ORC2: variants seen among roughly 807,000 people sequenced by gnomAD.
The protein encoded by ORC2 is origin recognition complex subunit 2.
A neutral mutation model predicts 77.7 loss-of-function variants in ORC2; 37 were observed. The ratio of observed to expected loss-of-function variants is 0.48; its 90% CI spans 0.37 to 0.63. The LOEUF is 0.63. Among genes scored for constraint, ORC2 ranks in the 20% least tolerant of loss-of-function variants. The pLI, the probability that ORC2 is intolerant of heterozygous loss-of-function variation, is 0.00. For synonymous variants in ORC2, 201 were observed against 229.5 expected (o/e 0.88, Z 1.12); for missense variants, 557 against 661.9 (o/e 0.84, Z 1.74).
intron 5 of ORC2, among the ~76,000 whole-genome samples, chr2:200,946,123 G>A (rs1418874593): frequency 6.6e-6 from 1 of 150,750 alleles, no homozygotes; most frequent in Non-Finnish European, 1.5e-5. Flanking sequence ...CCTATATCTT[G>A]GTTAGCCCAA....
At chr2:200,939,839 A>C (rs16836061) in intron 7 of ORC2, among the ~76,000 whole-genome samples, 1,715 of 152,332 alleles carry the variant, frequency 0.011, 16 homozygotes, top group Non-Finnish European at 0.017. Flanking sequence ...TAACTTGAGA[A>C]AGAATAATCT....
chr2:200,913,223 A>G (rs2040580825), intron 17 of ORC2, 72 bp downstream of exon 17: 1 of 1,154,654 alleles, frequency 8.7e-7, no homozygotes. Context: ...GTCTAAGTCA[A>G]ACATATATGT....
intron 9 of ORC2, 40 bp from the exon 10 acceptor site, chr2:200,934,014 A>G (rs367995638): frequency 2.0e-6 from 2 of 988,750 alleles, no homozygotes; most frequent in East Asian, 2.4e-5. Context: ...GTAGCTTCAA[A>G]TATCTGTCTC....
chr2:200,915,955 A>G (rs2040641786), intron 15 of ORC2, among the ~76,000 whole-genome samples: 1 of 152,108 alleles, frequency 6.6e-6, no homozygotes, highest in Admixed American at 6.6e-5. Flanking sequence ...TCAGCCTCCC[A>G]AAGTGCTAGG....
chr2:200,960,451 T>TG lies in ORC2; in HGVS notation c.-59-1012dup, dbSNP rs752833638. ...TGGGCCATTTTTCTAGTCATAATAC[T>TG]GTTTCCTATTATGGGGAAACTGGGT... is the stretch of plus-strand genomic sequence containing the variant. On this transcript the variant is annotated intron_variant, in intron 1 of 17. Transcript: ENST00000234296. 7.3e-4 allele frequency among the ~76,000 whole-genome samples: 111 copies of TG among 152,362 alleles called. 1 individual carries two copies. The East Asian group carries it at 0.014, about 19-fold the overall frequency.
At chr2:200,927,336 G>A (rs916886834) in intron 11 of ORC2, among the ~76,000 whole-genome samples, 3 of 151,650 alleles carry the variant, frequency 2.0e-5, no homozygotes, top group Non-Finnish European at 2.9e-5. Flanking sequence ...CACCCACCTT[G>A]GCCCCCAAAA....
chr2:200,916,291 T>G (rs2040648948), intron 15 of ORC2, among the ~76,000 whole-genome samples: 1 of 152,134 alleles, frequency 6.6e-6, no homozygotes, highest in South Asian at 2.1e-4. Context: ...AAGACCAGCC[T>G]GCCCAACATG....
intron 7 of ORC2, among the ~76,000 whole-genome samples, chr2:200,939,673 T>C (rs1235681599): frequency 3.3e-5 from 5 of 152,206 alleles, no homozygotes; most frequent in African/African-American, 1.2e-4. Context: ...CCAAGCCCGA[T>C]ACATATTTTC....
rs767050991 is a variant in ORC2 at position 200,925,852 on chromosome 2, T to C, written c.1131A>G (p.Val377=). The change falls in exon 13 of 18, where the codon GTA becomes GTG. Residue 377 remains valine, a synonymous_variant. Transcript: ENST00000234296. ...RSILDQLDWI[V]NKFKEDSSLE... ...TCATGTTACCTTCTTTAAATTTGTT[T>C]ACTATCCAGTCTAGCTGATCCAGTA... 13 of 1,569,880 alleles carry C rather than the reference T, an allele frequency of 8.3e-6. No homozygotes were observed. In the Admixed American group the frequency reaches 2.2e-4, roughly 27 times the overall value.
intron 4 of ORC2, among the ~76,000 whole-genome samples, chr2:200,953,416 T>G (rs575822941): frequency 2.9e-5 from 4 of 138,798 alleles, no homozygotes; most frequent in East Asian, 3.9e-4. Flanking sequence ...CTACTGTTTT[T>G]TTTTTTTTTT....
intron 5 of ORC2, among the ~76,000 whole-genome samples, chr2:200,946,374 G>A (rs2125012356): frequency 6.6e-6 from 1 of 152,094 alleles, no homozygotes; most frequent in South Asian, 2.1e-4. Context: ...CTATTTTACT[G>A]ATATATTTAG....
intron 5 of ORC2, among the ~76,000 whole-genome samples, chr2:200,946,780 T>C (rs745317751): frequency 2.0e-5 from 3 of 152,222 alleles, no homozygotes; most frequent in Admixed American, 6.5e-5. Flanking sequence ...TCCTGCACCA[T>C]TGTCCTAGGG....
intron 5 of ORC2, 52 bp downstream of exon 5, chr2:200,949,502 T>G: frequency 1.0e-6 from 1 of 980,064 alleles, no homozygotes; most frequent in South Asian, 1.4e-5. Flanking sequence ...TGTGGTTAAA[T>G]CTACCTTAGG....
chr2:200,945,423 G>A (rs965729116), intron 5 of ORC2, among the ~76,000 whole-genome samples: 4 of 152,040 alleles, frequency 2.6e-5, no homozygotes, highest in Non-Finnish European at 5.9e-5. Context: ...CAGGTGTGGT[G>A]GCGTGTGACT....
At chr2:200,920,115 A>C (rs2040729571) in intron 15 of ORC2, 107 bp downstream of exon 15, 4 of 753,860 alleles carry the variant, frequency 5.3e-6, no homozygotes, top group Non-Finnish European at 8.2e-6. Context: ...CTATAATTTC[A>C]CTTAATCCTT....
At chr2:200,950,930 C>T (rs16836182) in intron 4 of ORC2, among the ~76,000 whole-genome samples, 4,337 of 152,250 alleles carry the variant, frequency 0.028, 214 homozygotes, top group African/African-American at 0.099. Context: ...ATTAATGACA[C>T]TGAACATTTT....
At chr2:200,914,066 CACAA>C in intron 15 of ORC2, 74 bp from the exon 16 acceptor site, 1 of 906,086 alleles carries the variant, frequency 1.1e-6, no homozygotes. Flanking sequence ...TAGTAAAATA[CACAA>C]AGAAAATGTC....
chr2:200,926,057 CTT>C (rs944308691), intron 12 of ORC2, 125 bp from the exon 13 acceptor site: 1 of 407,176 alleles, frequency 2.5e-6, no homozygotes, highest in African/African-American at 2.0e-5. Flanking sequence ...TAAAAAATAA[CTT>C]TTAAAAATTC....
At chr2:200,924,756 TTTTA>T (rs948635691) in intron 13 of ORC2, among the ~76,000 whole-genome samples, 2 of 151,962 alleles carry the variant, frequency 1.3e-5, no homozygotes, top group South Asian at 2.1e-4. Context: ...AGAAATAATG[TTTTA>T]TTTATTTATT....
Sources: allele counts gnomAD v4.1 joint callset (sites outside exome capture counted in the v4.1 genomes callset), GRCh38; gene constraint gnomAD v4.1.1; transcripts MANE v1.5; gene names NCBI Gene and HGNC (gene_info 2026-07-23, HGNC 2026-07-21).